Variants in ANKRD30A observed in about 807,000 individuals in gnomAD.
ANKRD30A encodes the protein ankyrin repeat domain 30A.
Under a neutral mutation model 166.3 loss-of-function variants are expected in ANKRD30A, and 170 were observed. That is an observed-to-expected ratio of 1.02 (90% CI 0.90 to 1.16). The LOEUF (loss-of-function observed/expected upper bound fraction) is 1.16, where lower values mean the gene tolerates loss of function less well. Ranked by LOEUF, ANKRD30A falls within the 50% of genes most tolerant of loss-of-function variation. The pLI, the probability that ANKRD30A is intolerant of heterozygous loss-of-function variation, is 0.00. For missense variants in ANKRD30A, 1,630 were observed against 1,518.0 expected, an observed-to-expected ratio of 1.07 and a Z score of -1.23; for synonymous variants, 564 against 508.9, an observed-to-expected ratio of 1.11 and a Z score of -1.46.
At chr10:37,213,768 T>C (rs1842468685) in intron 31 of ANKRD30A, among the ~76,000 whole-genome samples, 1 of 151,678 alleles carries the variant, frequency 6.6e-6, no homozygotes, top group Admixed American at 6.6e-5. Context: ...CAGGGTTATT[T>C]GGATGTATGT....
chr10:37,202,195 G>A, intron 31 of ANKRD30A, among the ~76,000 whole-genome samples: 1 of 152,006 alleles, frequency 6.6e-6, no homozygotes, highest in East Asian at 1.9e-4. Context: ...TTAGCCAGCG[G>A]AGAAGAAGAA....
intron 4 of ANKRD30A, among the ~76,000 whole-genome samples, chr10:37,132,723 C>T (rs532974996): frequency 2.0e-5 from 3 of 152,242 alleles, no homozygotes; most frequent in African/African-American, 7.2e-5. Context: ...ATTTGCTGGG[C>T]ACGGTAGCTG....
intron 9 of ANKRD30A, among the ~76,000 whole-genome samples, chr10:37,148,694 G>GT (rs904586585): frequency 1.8e-4 from 28 of 152,082 alleles, no homozygotes; most frequent in African/African-American, 6.7e-4. Context: ...GACTCATTAG[G>GT]TTTCTATGTT....
chr10:37,162,909 C>T (rs1162583970), intron 17 of ANKRD30A, 61 bp downstream of exon 17: 3 of 1,568,920 alleles, frequency 1.9e-6, no homozygotes, highest in East Asian at 4.5e-5. Flanking sequence ...TTTTGATGGT[C>T]TTTCTGTACC....
intron 25 of ANKRD30A, among the ~76,000 whole-genome samples, 168 bp from the exon 26 acceptor site, chr10:37,192,896 C>T (rs188982090): frequency 2.6e-5 from 4 of 152,130 alleles, no homozygotes; most frequent in Non-Finnish European, 5.9e-5. Flanking sequence ...ATATTTCTGT[C>T]ACGTTGGCAT....
chr10:37,219,364 A>T lies in ANKRD30A; in HGVS notation c.3652A>T (p.Ser1218Cys). The change falls in exon 34 of 36, where the codon AGT becomes TGT. Residue 1218 changes from serine to cysteine, a missense_variant. Around this residue, in one of 4 missense-constraint regions of ANKRD30A, gnomAD observed 712 missense variants for 629.3 expected, o/e 1.13. Coordinates refer to ENST00000361713, the MANE Select transcript of ANKRD30A (RefSeq NM_052997.3). ...TGATCAAATTGTGACATCAAGAAAAAGTCAAGAACCTGCTTTCCACATTGC... is the reference window on the plus strand; with the variant it reads ...TGATCAAATTGTGACATCAAGAAAATGTCAAGAACCTGCTTTCCACATTGC... ...DHDQIVTSRK[S>C]QEPAFHIAGD... 1 of 1,610,542 alleles carries T rather than the reference A, an allele frequency of 6.2e-7. No homozygotes were observed. The highest frequency in any genetic ancestry group is 8.5e-7 in the Non-Finnish European group (1 of 1,177,710).
At chr10:37,256,427 A>G in the ANKRD30A span, among the ~76,000 whole-genome samples, 234 of 152,242 alleles carry the variant, frequency 1.5e-3, no homozygotes, top group Non-Finnish European at 2.8e-3. Flanking sequence ...TGGCTAATAT[A>G]TTTCTTCGTA....
At chr10:37,200,165 TAGAG>T (rs1190711581) in intron 30 of ANKRD30A, among the ~76,000 whole-genome samples, 3 of 152,046 alleles carry the variant, frequency 2.0e-5, no homozygotes, top group South Asian at 4.1e-4. Context: ...ATTGGATTCA[TAGAG>T]AGACAGTTTA....
intron 15 of ANKRD30A, among the ~76,000 whole-genome samples, chr10:37,160,388 T>G (rs542127060): frequency 6.6e-6 from 1 of 152,332 alleles, no homozygotes; most frequent in South Asian, 2.1e-4. Flanking sequence ...AATTTTAGTT[T>G]ACACTTTTTA....
At position 37,130,201 on chromosome 10, in the gene ANKRD30A, A is replaced by T; in HGVS notation, c.337-4A>T. ...TACAATAATTCTTGCTTTAATACTG[A>T]CAGGCTCTACAATGCCATCAGGAGG... On this transcript the variant is annotated splice_region_variant and splice_polypyrimidine_tract_variant and intron_variant, in intron 2 of 35. Transcript: ENST00000361713. 1 of 1,569,536 alleles carries T rather than the reference A, an allele frequency of 6.4e-7. No homozygotes were observed. Among genetic ancestry groups the T allele is most frequent in the Non-Finnish European group, 8.6e-7 (1 of 1,160,970 alleles).
intron 24 of ANKRD30A, among the ~76,000 whole-genome samples, chr10:37,179,117 T>G (rs1839998520): frequency 1.3e-5 from 2 of 149,648 alleles, no homozygotes; most frequent in South Asian, 2.2e-4. Flanking sequence ...TAAGATATAC[T>G]TGAATGTAAG....
At chr10:37,196,796 T>A (rs1418980957) in intron 27 of ANKRD30A, among the ~76,000 whole-genome samples, 1 of 152,166 alleles carries the variant, frequency 6.6e-6, no homozygotes, top group Non-Finnish European at 1.5e-5. Flanking sequence ...ATATTCATTT[T>A]AAGTATTATG....
In ANKRD30A at chr10:37,125,681, C is replaced by T; in HGVS notation, c.-107C>T. ...ACAGAACTTTTTACGGGTATCGAGG[C>T]GGTGCGTGGACTGAAGAAGGGCGAG... On this transcript the variant is annotated 5_prime_UTR_variant, in exon 1 of 36. Coordinates refer to ENST00000361713, the MANE Select transcript of ANKRD30A (RefSeq NM_052997.3). The T allele has an allele frequency of 2.4e-6, 1 of 415,096 alleles. No individual in the cohort carries two copies. The highest frequency in any genetic ancestry group is 4.2e-6 in the Non-Finnish European group (1 of 237,144). The allele number at this position is 415,096 out of a possible 1,614,324, so 25.7% of individuals were successfully genotyped here. A position where few individuals can be genotyped will look rare whatever the true frequency, so the allele number is the denominator to read the frequency against.
At chr10:37,242,929 C>T in the ANKRD30A span, among the ~76,000 whole-genome samples, 1 of 152,112 alleles carries the variant, frequency 6.6e-6, no homozygotes, top group Admixed American at 6.5e-5. Context: ...CATTTTTATG[C>T]TTGTTTACAT....
In ANKRD30A at chr10:37,142,029, G is replaced by C. The variant is rs747663870; in HGVS notation, c.1132G>C (p.Gly378Arg). ...TSEKFTWPAK[G>R]RPRKIAWEKK... Reference sequence around the variant, plus strand: ...TGAGAAATTTACGTGGCCAGCAAAAGGAAGACCTAGGAAGATCGCATGGGA... The same window carrying C: ...TGAGAAATTTACGTGGCCAGCAAAACGAAGACCTAGGAAGATCGCATGGGA... The change falls in exon 7 of 36, where the codon GGA becomes CGA. Residue 378 changes from glycine to arginine, a missense_variant. This residue lies in a region of ANKRD30A where 904 missense variants were observed against 818.5 expected (regional missense o/e 1.10). Transcript: ENST00000361713. 49 of 1,613,606 alleles carry C rather than the reference G, an allele frequency of 3.0e-5. No individual in the cohort carries two copies. The highest frequency in any genetic ancestry group is 3.7e-5 in the Non-Finnish European group (44 of 1,179,946).
At chr10:37,259,554 G>A in the ANKRD30A span, among the ~76,000 whole-genome samples, 1 of 152,202 alleles carries the variant, frequency 6.6e-6, no homozygotes, top group South Asian at 2.1e-4. Context: ...GTTCATAGCA[G>A]CATTATTTGT....
the ANKRD30A span, among the ~76,000 whole-genome samples, chr10:37,242,985 T>C: frequency 6.6e-6 from 1 of 152,224 alleles, no homozygotes; most frequent in Non-Finnish European, 1.5e-5. Flanking sequence ...TGCACACATT[T>C]TGATAAATTT....
At chr10:37,144,867 T>G (rs796330786) in intron 7 of ANKRD30A, 128 bp from the exon 8 acceptor site, 18 of 404,856 alleles carry the variant, frequency 4.4e-5, no homozygotes, top group Non-Finnish European at 6.2e-5. Flanking sequence ...TGTGGTTATC[T>G]ACCAATAGAA....
intron 21 of ANKRD30A, among the ~76,000 whole-genome samples, chr10:37,171,628 T>A (rs1839570278): frequency 6.6e-6 from 1 of 151,722 alleles, no homozygotes; most frequent in African/African-American, 2.4e-5. Flanking sequence ...GGTTTTAAAG[T>A]GCCAAATAAC....
Sources: gnomAD v4.1 joint callset for allele counts (sites outside exome capture counted in the v4.1 genomes callset) on GRCh38, gnomAD v4.1.1 for gene constraint, gnomAD v4.1.1 regional missense constraint, MANE v1.5 for transcripts, NCBI Gene and HGNC (gene_info 2026-07-23, HGNC 2026-07-21) for gene names.